MYO16: variants seen among roughly 807,000 people sequenced by gnomAD.
The protein encoded by MYO16 is myosin XVI.
A neutral mutation model predicts 205.3 loss-of-function variants in MYO16; 94 were observed. The observed-to-expected ratio is 0.46, with a 90% CI of 0.39 to 0.54. MYO16 has a LOEUF of 0.54. MYO16 is among the 20% of genes least tolerant of loss of function. The probability of loss-of-function intolerance (pLI) is 0.00; values close to 1 mark genes in which losing one functional copy is unlikely to be tolerated. For synonymous variants in MYO16, 988 were observed against 954.0 expected (o/e 1.04, Z -0.66); for missense variants, 2,315 against 2,387.5 (o/e 0.97, Z 0.63).
At chr13:108,819,814 C>T (rs1471933848) in intron 7 of MYO16, among the ~76,000 whole-genome samples, 1 of 152,108 alleles carries the variant, frequency 6.6e-6, no homozygotes, top group Non-Finnish European at 1.5e-5. Context: ...AGTTAGACTT[C>T]GATGAATTGC....
chr13:108,953,569 G>T lies in MYO16; in HGVS notation c.1926-4119G>T, dbSNP rs1332802754. 3.0e-3 allele frequency among the ~76,000 whole-genome samples: 391 copies of T among 132,306 alleles called. 1 individual carries two copies. Among genetic ancestry groups the T allele is most frequent in the Non-Finnish European group, 4.5e-3 (267 of 59,922 alleles). 86.8% of individuals were successfully genotyped at this position (132,306 alleles called of 152,430 possible). ...TAAAGATTTAAATGTTTTGAGTTTT[G>T]TTTTTTTTTTTTTAGAAATTGTCAA... is the stretch of plus-strand genomic sequence containing the variant. On this transcript the variant is annotated intron_variant, in intron 16 of 34. Coordinates refer to ENST00000457511, the MANE Select transcript of MYO16 (RefSeq NM_001198950.3).
chr13:108,767,095 G>GTTTGT (rs914729512), intron 4 of MYO16, among the ~76,000 whole-genome samples: 21 of 149,762 alleles, frequency 1.4e-4, no homozygotes, highest in Non-Finnish European at 2.8e-4. Flanking sequence ...TTGTTTGTTT[G>GTTTGT]TTTGTTTTGT....
At chr13:109,022,957 A>G (rs1355982233) in intron 23 of MYO16, among the ~76,000 whole-genome samples, 1 of 135,584 alleles carries the variant, frequency 7.4e-6, no homozygotes, top group African/African-American at 2.7e-5. Flanking sequence ...ATACATTTAT[A>G]TATTATATAT....
At chr13:108,768,868 G>T (rs1885866482) in intron 4 of MYO16, among the ~76,000 whole-genome samples, 2 of 151,812 alleles carry the variant, frequency 1.3e-5, no homozygotes, top group Admixed American at 1.3e-4. Context: ...TAAATAAATA[G>T]CCAAAACCCT....
chr13:108,723,386 CT>C (rs1407640550), intron 3 of MYO16, among the ~76,000 whole-genome samples: 3 of 152,050 alleles, frequency 2.0e-5, no homozygotes, highest in South Asian at 2.1e-4. Context: ...AATATTTCCC[CT>C]GATAGGCTGC....
intron 32 of MYO16, among the ~76,000 whole-genome samples, chr13:109,154,663 C>T (rs879669486): frequency 1.3e-5 from 2 of 151,990 alleles, no homozygotes; most frequent in Non-Finnish European, 2.9e-5. Context: ...ATCTTCTCAC[C>T]TTTGCCTTCT....
chr13:108,609,414 G>A (rs969362018), intron 1 of MYO16, among the ~76,000 whole-genome samples: 5 of 152,194 alleles, frequency 3.3e-5, no homozygotes, highest in African/African-American at 9.7e-5. Flanking sequence ...GCAGGGCCCA[G>A]GTCTGTTCTG....
chr13:108,817,597 T>C (rs1286587806), intron 7 of MYO16, among the ~76,000 whole-genome samples: 3 of 152,216 alleles, frequency 2.0e-5, no homozygotes, highest in African/African-American at 7.2e-5. Context: ...GTACACACAT[T>C]TGCCCAAATT....
At chr13:109,133,963 T>C (rs1376054017) in intron 31 of MYO16, among the ~76,000 whole-genome samples, 1 of 152,104 alleles carries the variant, frequency 6.6e-6, no homozygotes, top group Non-Finnish European at 1.5e-5. Flanking sequence ...TGTTATGGAG[T>C]AGAACAGGAT....
chr13:108,584,516 A>ATT, the MYO16 span, among the ~76,000 whole-genome samples: 6 of 151,812 alleles, frequency 4.0e-5, no homozygotes, highest in East Asian at 9.7e-4. Flanking sequence ...GAAATATACA[A>ATT]TTTTTTTATT....
At chr13:109,002,999 G>A (rs919500971) in intron 21 of MYO16, among the ~76,000 whole-genome samples, 1 of 152,074 alleles carries the variant, frequency 6.6e-6, no homozygotes, top group Admixed American at 6.6e-5. Flanking sequence ...GCCACAGTAC[G>A]TCTATATTTT....
At chr13:109,117,671 G>A (rs1033589544) in intron 28 of MYO16, among the ~76,000 whole-genome samples, 1 of 151,922 alleles carries the variant, frequency 6.6e-6, no homozygotes, top group Non-Finnish European at 1.5e-5. Flanking sequence ...CTCTAGTAAT[G>A]GAGATGAGGT....
At chr13:108,829,706 G>C (rs1252019530) in intron 9 of MYO16, among the ~76,000 whole-genome samples, 1 of 152,152 alleles carries the variant, frequency 6.6e-6, no homozygotes, top group Non-Finnish European at 1.5e-5. Context: ...TGATCCCAGG[G>C]TGGCCTCAGC....
chr13:108,793,360 G>C (rs560285132), intron 5 of MYO16, among the ~76,000 whole-genome samples, 156 bp from the exon 6 acceptor site: 2 of 151,912 alleles, frequency 1.3e-5, no homozygotes, highest in South Asian at 4.1e-4. Context: ...AATAGAATAT[G>C]TACAAAGATA....
intron 1 of MYO16, among the ~76,000 whole-genome samples, chr13:108,597,695 C>G (rs1469966201): frequency 6.6e-6 from 1 of 152,164 alleles, no homozygotes. Context: ...TTTCTAATTT[C>G]AGTCAGCCAT....
At chr13:108,516,124 C>T in the MYO16 span, among the ~76,000 whole-genome samples, 2 of 151,566 alleles carry the variant, frequency 1.3e-5, no homozygotes, top group Non-Finnish European at 2.9e-5. Context: ...TAGCAATCAG[C>T]GCGATTCCGT....
chr13:109,189,620 T>G (rs1300363899), intron 34 of MYO16, among the ~76,000 whole-genome samples: 1 of 152,264 alleles, frequency 6.6e-6, no homozygotes, highest in East Asian at 1.9e-4. Flanking sequence ...GCTACATCTG[T>G]GTACATTGAA....
rs757773728 is a variant in MYO16 at position 108,623,109 on chromosome 13, G to C, written c.-39+26870G>C. Among the ~76,000 whole-genome samples the C allele has an allele frequency of 5.9e-5, 9 of 152,228 alleles. No homozygotes were observed. The South Asian group carries it at 1.7e-3, about 28-fold the overall frequency. On this transcript the variant is annotated intron_variant, in intron 1 of 24. Transcript: ENST00000251041. Reference sequence around the variant, plus strand: ...CAAATTGCTTCAGAGCTACACACACGACGTCCAGCTTCCAAGGTATGCTTT... The same window carrying C: ...CAAATTGCTTCAGAGCTACACACACCACGTCCAGCTTCCAAGGTATGCTTT...
chr13:108,701,017 G>A (rs973773362), intron 2 of MYO16, among the ~76,000 whole-genome samples: 1 of 152,104 alleles, frequency 6.6e-6, no homozygotes, highest in Admixed American at 6.5e-5. Context: ...CTAAGCGAAG[G>A]CTGAGAGGTT....
Sources: allele counts gnomAD v4.1 joint callset (sites outside exome capture counted in the v4.1 genomes callset), GRCh38; gene constraint gnomAD v4.1.1; transcripts MANE v1.5; gene names NCBI Gene and HGNC (gene_info 2026-07-23, HGNC 2026-07-21).